Variants in MCPH1 observed in about 807,000 individuals in gnomAD.
MCPH1 encodes the protein microcephalin 1.
In MCPH1, 104 loss-of-function variants were observed where a neutral mutation model predicts 84.5. The ratio of observed to expected loss-of-function variants is 1.23; its 90% CI spans 1.05 to 1.45. The LOEUF is 1.45. MCPH1 is among the 40% of genes most tolerant of loss of function. The pLI, the probability that MCPH1 is intolerant of heterozygous loss-of-function variation, is 0.00. For missense variants in MCPH1, 1,498 were observed against 1,005.7 expected (o/e 1.49, Z -6.62); for synonymous variants, 514 against 366.8 (o/e 1.40, Z -4.58).
At chr8:6,525,552 C>T (rs973320309) in intron 12 of MCPH1, among the ~76,000 whole-genome samples, 4 of 152,142 alleles carry the variant, frequency 2.6e-5, no homozygotes, top group Admixed American at 6.5e-5. Flanking sequence ...ATAAAGAAAG[C>T]AATTGCACTT....
At chr8:6,440,745 A>G (rs1320032428) in intron 6 of MCPH1, among the ~76,000 whole-genome samples, 1 of 152,196 alleles carries the variant, frequency 6.6e-6, no homozygotes, top group East Asian at 1.9e-4. Flanking sequence ...GACTTACCGA[A>G]TGCAGCTTTT....
intron 12 of MCPH1, among the ~76,000 whole-genome samples, chr8:6,582,187 G>A (rs1827616188): frequency 6.6e-6 from 1 of 152,230 alleles, no homozygotes; most frequent in African/African-American, 2.4e-5. Context: ...GCACACTAGA[G>A]ATGGACATTG....
intron 12 of MCPH1, among the ~76,000 whole-genome samples, chr8:6,596,242 T>A (rs1586745739): frequency 6.6e-6 from 1 of 152,142 alleles, no homozygotes; most frequent in African/African-American, 2.4e-5. Context: ...TTGGACCAAG[T>A]CACTTCATCC....
intron 12 of MCPH1, among the ~76,000 whole-genome samples, chr8:6,581,079 A>T (rs1295559607): frequency 1.8e-4 from 27 of 152,240 alleles, no homozygotes. Context: ...ACTATGTGGG[A>T]AGATGTGCCT....
intron 12 of MCPH1, among the ~76,000 whole-genome samples, chr8:6,549,181 T>C (rs917771218): frequency 3.3e-5 from 5 of 152,210 alleles, no homozygotes; most frequent in Admixed American, 6.5e-5. Context: ...CAGTTGAGTG[T>C]TGAAGTGTTG....
chr8:6,617,849 C>G (rs781707731), intron 12 of MCPH1, among the ~76,000 whole-genome samples: 1 of 151,754 alleles, frequency 6.6e-6, no homozygotes, highest in Non-Finnish European at 1.5e-5. Flanking sequence ...GCTTGCTTAT[C>G]TATGTCTGTC....
At chr8:6,503,103 A>C (rs1812524917) in intron 12 of MCPH1, 1 of 1,614,162 alleles carries the variant, frequency 6.2e-7, no homozygotes, top group Non-Finnish European at 8.5e-7. Context: ...TGGGATGTTT[A>C]GAAATCTGCT....
intron 3 of MCPH1, among the ~76,000 whole-genome samples, chr8:6,420,744 C>T (rs554103831): frequency 6.6e-6 from 1 of 152,132 alleles, no homozygotes; most frequent in Admixed American, 6.5e-5. Context: ...CATTTTGTTT[C>T]TTATACATAA....
intron 2 of MCPH1, among the ~76,000 whole-genome samples, chr8:6,414,537 T>C (rs558293633): frequency 6.6e-6 from 1 of 152,322 alleles, no homozygotes; most frequent in African/African-American, 2.4e-5. Flanking sequence ...CTCTATTCTT[T>C]CAGTAACACT....
intron 12 of MCPH1, chr8:6,616,248 T>G (rs762043752): frequency 2.6e-5 from 4 of 152,104 alleles, no homozygotes; most frequent in Non-Finnish European, 5.9e-5. Context: ...AGGAGCGACT[T>G]TAAAGGGTGA....
chr8:6,466,080 G>T (rs867901640), intron 9 of MCPH1, among the ~76,000 whole-genome samples: 2 of 149,520 alleles, frequency 1.3e-5, no homozygotes, highest in Admixed American at 6.7e-5. Flanking sequence ...TCAGCCTCCC[G>T]AGTAGCTGGG....
rs73199084 is a variant in MCPH1, at chr8:6,541,173, G to A, written c.2214+41244G>A. 9.7e-3 allele frequency among the ~76,000 whole-genome samples: 1,482 copies of A among 152,310 alleles called. 10 individuals are homozygous for A. Among genetic ancestry groups the A allele is most frequent in the Non-Finnish European group, 0.016 (1,060 of 68,006 alleles). On this transcript the variant is annotated intron_variant, in intron 12 of 13. Coordinates refer to ENST00000344683, the MANE Select transcript of MCPH1 (RefSeq NM_024596.5). ...AAGTTGGGCCCAGAGGGTTAATTCC[G>A]AGCAGCACAAGAGGGTGAATTCTGA...
rs1809237806 is a variant in MCPH1, at chr8:6,481,506, G to C, written c.2136+630G>C. 2.0e-5 allele frequency among the ~76,000 whole-genome samples: 3 copies of C among 152,274 alleles called. No homozygotes were observed. The South Asian group carries it at 6.2e-4, about 32-fold the overall frequency. ...TTGCTCCAAAGCATTCCTTTCTGGT[G>C]ACAGTAGCATCACTTGTTACGTATG... On this transcript the variant is annotated intron_variant, in intron 11 of 13. Transcript: ENST00000344683.
At chr8:6,624,080 G>A (rs773177129) in intron 13 of MCPH1, among the ~76,000 whole-genome samples, 1 of 152,210 alleles carries the variant, frequency 6.6e-6, no homozygotes, top group Non-Finnish European at 1.5e-5. Flanking sequence ...GTGGAGTCAC[G>A]CTTGCTCGGC....
intron 12 of MCPH1, among the ~76,000 whole-genome samples, chr8:6,564,214 G>C (rs531903455): frequency 1.3e-5 from 2 of 152,250 alleles, no homozygotes; most frequent in Admixed American, 1.3e-4. Flanking sequence ...ATGACCTTGT[G>C]ATCGACTCGC....
intron 12 of MCPH1, among the ~76,000 whole-genome samples, chr8:6,537,696 A>G (rs1820763596): frequency 6.6e-6 from 1 of 152,134 alleles, no homozygotes; most frequent in Admixed American, 6.5e-5. Context: ...GATTGATTAC[A>G]CATTTAAAAG....
intron 13 of MCPH1, among the ~76,000 whole-genome samples, chr8:6,640,106 G>GCA (rs71535982): frequency 2.5e-5 from 3 of 118,936 alleles, no homozygotes; most frequent in South Asian, 2.9e-4. Context: ...GTGCGCGCGC[G>GCA]TGTGTGTGTG....
chr8:6,584,520 T>C (rs1320028185), intron 12 of MCPH1, among the ~76,000 whole-genome samples: 1 of 152,190 alleles, frequency 6.6e-6, no homozygotes, highest in Non-Finnish European at 1.5e-5. Flanking sequence ...ACACTTCACA[T>C]CTATAATAAA....
chr8:6,475,750 C>G (rs940515342), intron 9 of MCPH1, among the ~76,000 whole-genome samples: 1 of 152,124 alleles, frequency 6.6e-6, no homozygotes, highest in Non-Finnish European at 1.5e-5. Flanking sequence ...AGGTTTCCTG[C>G]AGGGAGTTTT....
Sources: gnomAD v4.1 joint callset for allele counts (sites outside exome capture counted in the v4.1 genomes callset) on GRCh38, gnomAD v4.1.1 for gene constraint, MANE v1.5 for transcripts, NCBI Gene and HGNC (gene_info 2026-07-23, HGNC 2026-07-21) for gene names.